ATAD2: variants seen among roughly 807,000 people sequenced by gnomAD.
The protein encoded by ATAD2 is ATPase family AAA domain containing 2, also known as ATPase family AAA domain-containing protein 2.
In ATAD2, 62 loss-of-function variants were observed where a neutral mutation model predicts 168.9. That is an observed-to-expected ratio of 0.37 (90% CI 0.30 to 0.45). ATAD2 has a LOEUF of 0.45. ATAD2 is among the 20% of genes least tolerant of loss of function. ATAD2 has a pLI of 1.00. For missense variants in ATAD2, 1,419 were observed against 1,667.8 expected, an observed-to-expected ratio of 0.85 and a Z score of 2.60; for synonymous variants, 613 against 571.6, an observed-to-expected ratio of 1.07 and a Z score of -1.03.
At chr8:123,335,099 G>A (rs1187768013) in intron 22 of ATAD2, among the ~76,000 whole-genome samples, 1 of 152,152 alleles carries the variant, frequency 6.6e-6, no homozygotes, top group African/African-American at 2.4e-5. Context: ...GGGGTCCAGT[G>A]ATCCATATTT....
Position 123,321,045 on chromosome 8 carries a change from A to T in ATAD2, c.*89T>A, listed in dbSNP as rs952586683. 54 of 1,090,340 alleles carry T rather than the reference A, an allele frequency of 5.0e-5. No individual in the cohort carries two copies. The highest frequency in any genetic ancestry group is 6.9e-5 in the Non-Finnish European group (51 of 736,994). The allele number at this position is 1,090,340 out of a possible 1,614,324, so 67.5% of individuals were successfully genotyped here. A position where few individuals can be genotyped will look rare whatever the true frequency, so the allele number is the denominator to read the frequency against. ...ATTTTAATCTTTTCCTTAAAGATGC[A>T]GGGTTTCATACTACATCAATTAGGC... On this transcript the variant is annotated 3_prime_UTR_variant, in exon 28 of 28. Transcript: ENST00000287394.
chr8:123,344,364 T>TC (rs1828161850), intron 19 of ATAD2: 1 of 150,002 alleles, frequency 6.7e-6, no homozygotes, highest in African/African-American at 2.5e-5. Flanking sequence ...TTTTTTTTTT[T>TC]TGAGACAGAG....
At position 123,369,939 on chromosome 8, in the gene ATAD2, A is replaced by ATCATCATCATCG. The variant is rs1829097778; in HGVS notation, c.812_813insCGATGATGATGA (p.Asp274_Asp277dup). On this transcript the variant is annotated inframe_insertion, in exon 7 of 28. Transcript: ENST00000287394. ...CATCTTCATCATCATCATCATCATC[A>ATCATCATCATCG]TCATCGTCATCATCATCATCATCTT... The ATCATCATCATCG allele has an allele frequency of 2.5e-6, 4 of 1,568,788 alleles. No homozygotes were observed. In the African/African-American group the frequency reaches 5.5e-5, roughly 22 times the overall value.
intron 8 of ATAD2, among the ~76,000 whole-genome samples, chr8:123,365,132 C>T (rs781666384): frequency 6.6e-6 from 1 of 152,082 alleles, no homozygotes; most frequent in Non-Finnish European, 1.5e-5. Flanking sequence ...TATATACCAA[C>T]AGTGGCCAAG....
chr8:123,389,146 T>TG (rs1346257333), intron 1 of ATAD2, among the ~76,000 whole-genome samples: 72 of 148,146 alleles, frequency 4.9e-4, no homozygotes, highest in African/African-American at 1.6e-3. Context: ...TTTTTTTTTT[T>TG]TTTGTATTTT....
intron 26 of ATAD2, among the ~76,000 whole-genome samples, chr8:123,323,899 T>G (rs563427357): frequency 6.0e-4 from 92 of 152,266 alleles, no homozygotes; most frequent in African/African-American, 2.1e-3. Flanking sequence ...TAAATTGAAA[T>G]AGTCTCAGTA....
At chr8:123,326,093 A>C (rs761603093) in intron 25 of ATAD2, 67 bp from the exon 26 acceptor site, 120 of 1,514,062 alleles carry the variant, frequency 7.9e-5, no homozygotes, top group Non-Finnish European at 1.0e-4. Context: ...ATAAATAATA[A>C]TATTAGGCAG....
At position 123,324,302 on chromosome 8, in the gene ATAD2, T is replaced by A. The variant is rs186036819; in HGVS notation, c.4003-1236A>T. On this transcript the variant is annotated intron_variant, in intron 26 of 27. Coordinates refer to ENST00000287394, the MANE Select transcript of ATAD2 (RefSeq NM_014109.4). The stretch of plus-strand genomic sequence containing the variant: ...TGTACTTAAACAGGGCAGATTTCCC[T>A]CTAAAATGCCAAAACTCTTATCTGT... 1.1e-4 allele frequency among the ~76,000 whole-genome samples: 17 copies of A among 152,322 alleles called. No individual in the cohort carries two copies. In the East Asian group the frequency reaches 1.2e-3, roughly 10 times the overall value.
At position 123,402,346 on chromosome 8, in the gene ATAD2, G is replaced by A. The variant is rs1347120750; in HGVS notation, c.-2281-1171C>T. Among the ~76,000 whole-genome samples, 2 of 152,086 alleles carry A rather than the reference G, an allele frequency of 1.3e-5. No individual in the cohort carries two copies. The highest frequency in any genetic ancestry group is 2.9e-5 in the Non-Finnish European group (2 of 67,962). On this transcript the variant is annotated intron_variant, in intron 1 of 28. Transcript: ENST00000521903. This position sits in a 1 kb window ranked among gnomAD's most constrained non-coding sequence, Gnocchi z 4.8. ...GGAGGCCCCCAGAGCCCAGCCAGCT[G>A]GGCTTTCAGGCCCTACGCCTGCTTC...
At chr8:123,395,574 T>G (rs375123033) in intron 1 of ATAD2, among the ~76,000 whole-genome samples, 14 of 152,202 alleles carry the variant, frequency 9.2e-5, no homozygotes, top group Admixed American at 6.5e-4. Flanking sequence ...GTCAAAGAGA[T>G]AGCACAACTA....
intron 8 of ATAD2, among the ~76,000 whole-genome samples, chr8:123,362,998 G>GA (rs1269351159): frequency 5.9e-4 from 90 of 152,112 alleles, no homozygotes; most frequent in Non-Finnish European, 3.5e-4. Context: ...AAATATACAA[G>GA]AAAATTTTTA....
At chr8:123,382,606 C>G (rs1241161438) in intron 1 of ATAD2, among the ~76,000 whole-genome samples, 1 of 152,140 alleles carries the variant, frequency 6.6e-6, no homozygotes, top group African/African-American at 2.4e-5. Flanking sequence ...ATTCATTTGC[C>G]CTTCTCCATT....
At chr8:123,406,542 C>T (rs373743073) in intron 1 of ATAD2, among the ~76,000 whole-genome samples, 2 of 150,990 alleles carry the variant, frequency 1.3e-5, no homozygotes, top group Admixed American at 6.6e-5. Flanking sequence ...ACACTGGAGC[C>T]GGGTGTGGTG....
chr8:123,400,670 A>T (rs937958095), upstream of ATAD2: 220 of 724,276 alleles, frequency 3.0e-4, 2 homozygotes, highest in South Asian at 6.5e-4. The surrounding 1 kb of genome is among the most constrained non-coding windows in gnomAD (Gnocchi z 4.5). Flanking sequence ...AGCCTCACCT[A>T]CAACGAGTTC....
rs751770608 is a variant in ATAD2 at position 123,334,193 on chromosome 8, T to C, written c.3334+7A>G. The C allele has an allele frequency of 6.4e-7, 1 of 1,572,976 alleles. No homozygotes were observed. The highest frequency in any genetic ancestry group is 8.6e-7 in the Non-Finnish European group (1 of 1,166,942). ...GTTGGTACAAATCAACCAAATCACT[T>C]TCCTACCTCTTTTCTTTCTAGATTC... On this transcript the variant is annotated splice_region_variant and intron_variant, in intron 23 of 27. Transcript: ENST00000287394.
rs1332331139 is a variant in ATAD2, at chr8:123,356,379, C to G, written c.1646+10G>C. On this transcript the variant is annotated intron_variant, in intron 13 of 27. Transcript: ENST00000287394. ...GAAGAAACGTTGAAGTGCCATCAAG[C>G]AAGTTTTACCTGTGAATCTGATCTT... 6.2e-7 allele frequency: 1 copy of G among 1,603,390 alleles called. No homozygotes were observed. Among genetic ancestry groups the G allele is most frequent in the Non-Finnish European group, 8.5e-7 (1 of 1,172,288 alleles).
chr8:123,347,541 A>G (rs1197563995), intron 15 of ATAD2, 135 bp from the exon 16 acceptor site: 2 of 870,402 alleles, frequency 2.3e-6, no homozygotes, highest in East Asian at 2.7e-5. Context: ...TTTAAGAGTA[A>G]TAAGACCAAA....
intron 1 of ATAD2, among the ~76,000 whole-genome samples, chr8:123,381,103 C>T (rs1422600682): frequency 1.3e-5 from 2 of 152,196 alleles, no homozygotes; most frequent in East Asian, 3.8e-4. Context: ...CTCAAAATAA[C>T]TGGTCCATCA....
intron 1 of ATAD2, among the ~76,000 whole-genome samples, chr8:123,415,137 A>G (rs1813231170): frequency 6.6e-6 from 1 of 152,170 alleles, no homozygotes; most frequent in South Asian, 2.1e-4. Context: ...TCTGAAAAAG[A>G]CTGTATCTTT....
Sources: gnomAD v4.1 joint callset for allele counts (sites outside exome capture counted in the v4.1 genomes callset) on GRCh38, gnomAD v4.1.1 for gene constraint, Gnocchi (gnomAD v3.1) non-coding constraint, MANE v1.5 for transcripts, NCBI Gene and HGNC (gene_info 2026-07-23, HGNC 2026-07-21) for gene names.